The following CDH12 variants were observed in gnomAD, a reference collection of about 807,000 sequenced individuals.
CDH12 encodes cadherin 12.
Under a neutral mutation model 74.1 loss-of-function variants are expected in CDH12, and 41 were observed. The observed-to-expected ratio is 0.55, with a 90% CI of 0.43 to 0.72. The LOEUF is 0.72. Among genes scored for constraint, CDH12 ranks in the 30% least tolerant of loss-of-function variants. CDH12 has a pLI of 0.00. For missense variants in CDH12, 945 were observed against 977.2 expected (o/e 0.97, Z 0.44); for synonymous variants, 399 against 355.0 (o/e 1.12, Z -1.39).
chr5:22,177,482 A>G (rs1277375985), intron 4 of CDH12, among the ~76,000 whole-genome samples: 2 of 152,208 alleles, frequency 1.3e-5, no homozygotes, highest in African/African-American at 4.8e-5. Flanking sequence ...TCAACTTAAA[A>G]AATTTCACAA....
chr5:21,881,131 A>G (rs757684110), intron 6 of CDH12, among the ~76,000 whole-genome samples: 3 of 152,094 alleles, frequency 2.0e-5, no homozygotes, highest in African/African-American at 4.8e-5. Context: ...TGAATGAAAA[A>G]GAAAAATGAA....
chr5:22,723,312 G>A (rs554238444), intron 1 of CDH12, among the ~76,000 whole-genome samples: 38 of 152,074 alleles, frequency 2.5e-4, no homozygotes, highest in South Asian at 8.3e-4. Flanking sequence ...GCGTTTATAC[G>A]TTTTACTTTG....
rs545344019 is a variant in CDH12, at chr5:22,415,778, G to C, written c.-427-10427C>G. 1.8e-4 allele frequency among the ~76,000 whole-genome samples: 27 copies of C among 152,270 alleles called. 2 individuals are homozygous for C. The highest frequency in any genetic ancestry group is 6.5e-4 in the African/African-American group (27 of 41,558). On this transcript the variant is annotated intron_variant, in intron 2 of 14. Transcript: ENST00000382254. ...TTTACTGATACAAAAATTGGTTCTA[G>C]GAGTGGGGTGCTACTATTAAAAATA...
intron 2 of CDH12, among the ~76,000 whole-genome samples, chr5:22,472,307 C>T (rs891736277): frequency 6.6e-6 from 1 of 152,054 alleles, no homozygotes. Flanking sequence ...TTGCTAGCTG[C>T]CATTCATTTT....
intron 1 of CDH12, among the ~76,000 whole-genome samples, chr5:22,718,549 A>C (rs928460858): frequency 6.6e-6 from 1 of 152,184 alleles, no homozygotes; most frequent in Non-Finnish European, 1.5e-5. Context: ...TAAGATCCTT[A>C]CTGAGAGAGA....
At chr5:21,905,287 T>C (rs536758733) in intron 6 of CDH12, among the ~76,000 whole-genome samples, 2 of 152,338 alleles carry the variant, frequency 1.3e-5, no homozygotes, top group Non-Finnish European at 2.9e-5. Context: ...CAAAACAAGA[T>C]AAAAACTAAC....
At chr5:22,503,292 T>A (rs1736247958) in intron 2 of CDH12, among the ~76,000 whole-genome samples, 1 of 152,050 alleles carries the variant, frequency 6.6e-6, no homozygotes, top group African/African-American at 2.4e-5. Flanking sequence ...CTGCCCTATG[T>A]GATTGTTGAA....
At chr5:21,926,927 T>C (rs890590820) in intron 6 of CDH12, among the ~76,000 whole-genome samples, 2 of 152,104 alleles carry the variant, frequency 1.3e-5, no homozygotes, top group African/African-American at 4.8e-5. Flanking sequence ...TTGGTGAAGG[T>C]TTGAGGAAAC....
intron 6 of CDH12, among the ~76,000 whole-genome samples, chr5:21,901,746 C>T (rs1305641744): frequency 6.6e-6 from 1 of 152,068 alleles, no homozygotes; most frequent in Non-Finnish European, 1.5e-5. Context: ...GGTGTTCTCC[C>T]TCACTATGAT....
At chr5:22,802,358 G>A (rs1045078075) in intron 1 of CDH12, among the ~76,000 whole-genome samples, 4 of 151,914 alleles carry the variant, frequency 2.6e-5, no homozygotes, top group African/African-American at 9.7e-5. Context: ...CTGACCTTGT[G>A]ATCCGCCCGC....
chr5:22,808,769 T>G (rs902479807), intron 1 of CDH12, among the ~76,000 whole-genome samples: 1,572 of 141,828 alleles, frequency 0.011, 41 homozygotes, highest in African/African-American at 0.039. Context: ...CTGGTTTTTT[T>G]TTTTTTTTTT....
At chr5:21,768,976 C>T (rs1379647562) in intron 11 of CDH12, among the ~76,000 whole-genome samples, 1 of 151,924 alleles carries the variant, frequency 6.6e-6, no homozygotes, top group Non-Finnish European at 1.5e-5. Flanking sequence ...GATTTAACAT[C>T]CAAGAACAAT....
chr5:22,481,494 G>A (rs541925085), intron 2 of CDH12, among the ~76,000 whole-genome samples: 28 of 152,266 alleles, frequency 1.8e-4, no homozygotes, highest in African/African-American at 6.0e-4. Flanking sequence ...AAAATGTGGC[G>A]TATTTACAGT....
chr5:22,527,828 G>T (rs778603274), intron 1 of CDH12, among the ~76,000 whole-genome samples: 2 of 152,060 alleles, frequency 1.3e-5, no homozygotes, highest in African/African-American at 4.8e-5. Context: ...GTGATCTGTC[G>T]GTCCATGTTT....
At chr5:21,969,530 CG>C (rs1053338418) in intron 6 of CDH12, among the ~76,000 whole-genome samples, 1 of 151,850 alleles carries the variant, frequency 6.6e-6, no homozygotes, top group African/African-American at 2.4e-5. Flanking sequence ...CCAGCTGCCA[CG>C]TTATGATGTA....
intron 4 of CDH12, among the ~76,000 whole-genome samples, chr5:22,154,295 C>G (rs566461067): frequency 2.5e-4 from 38 of 151,394 alleles, no homozygotes; most frequent in African/African-American, 8.2e-4. Context: ...TATAGTATTA[C>G]TAACTATAGT....
intron 1 of CDH12, among the ~76,000 whole-genome samples, chr5:22,661,130 A>G (rs1740324472): frequency 1.3e-5 from 2 of 152,202 alleles, no homozygotes; most frequent in South Asian, 4.1e-4. Flanking sequence ...AACCTTATTT[A>G]TACAAATAGA....
intron 3 of CDH12, among the ~76,000 whole-genome samples, chr5:22,340,379 T>G (rs1189069015): frequency 1.3e-5 from 2 of 151,904 alleles, no homozygotes; most frequent in Non-Finnish European, 2.9e-5. Flanking sequence ...ACAAAAAAAT[T>G]AGCCAGACGT....
chr5:22,355,549 T>G (rs1202104460), intron 3 of CDH12, among the ~76,000 whole-genome samples: 7 of 150,316 alleles, frequency 4.7e-5, no homozygotes, highest in Admixed American at 4.6e-4. Flanking sequence ...TATAAAACTA[T>G]CTTACATGTC....
Sources: allele counts gnomAD v4.1 joint callset (sites outside exome capture counted in the v4.1 genomes callset), GRCh38; gene constraint gnomAD v4.1.1; transcripts MANE v1.5; gene names NCBI Gene and HGNC (gene_info 2026-07-23, HGNC 2026-07-21).